Variants in NRXN3 observed in about 807,000 individuals in gnomAD.
The protein encoded by NRXN3 is neurexin III.
NRXN3 carries 32 observed loss-of-function variants against 137.6 expected under a neutral mutation model. That is an observed-to-expected ratio of 0.23 (90% CI 0.18 to 0.31). The LOEUF is 0.31. Ranked by LOEUF, NRXN3 falls within the 10% of genes least tolerant of loss-of-function variation. The probability of loss-of-function intolerance (pLI) is 1.00; values close to 1 mark genes in which losing one functional copy is unlikely to be tolerated. For synonymous variants in NRXN3, 798 were observed against 784.5 expected, an observed-to-expected ratio of 1.02 and a Z score of -0.29; for missense variants, 1,574 against 2,062.5, an observed-to-expected ratio of 0.76 and a Z score of 4.59.
At chr14:79,609,513 G>A (rs1484211539) in intron 16 of NRXN3, among the ~76,000 whole-genome samples, 2 of 152,142 alleles carry the variant, frequency 1.3e-5, no homozygotes, top group East Asian at 1.9e-4. Context: ...TCTGCCACAT[G>A]CAACTAGGAA....
intron 4 of NRXN3, among the ~76,000 whole-genome samples, chr14:78,640,987 T>G (rs1489574365): frequency 6.6e-6 from 1 of 152,226 alleles, no homozygotes; most frequent in Admixed American, 6.5e-5. Context: ...CATAATCCCC[T>G]GCATTCATTT....
intron 7 of NRXN3, among the ~76,000 whole-genome samples, chr14:78,713,691 C>T (rs1199854642): frequency 6.6e-6 from 1 of 152,190 alleles, no homozygotes; most frequent in East Asian, 1.9e-4. Flanking sequence ...CACTTACAAT[C>T]ATGGTGGAAG....
At position 78,483,774 on chromosome 14, in the gene NRXN3, T is replaced by C. The variant is rs2153742750; in HGVS notation, c.758-161346T>C. 2.0e-5 allele frequency among the ~76,000 whole-genome samples: 3 copies of C among 152,266 alleles called. No individual in the cohort carries two copies. In the East Asian group the frequency reaches 5.8e-4, roughly 29 times the overall value. On this transcript the variant is annotated intron_variant, in intron 4 of 20. Transcript: ENST00000335750. ...ACTCTGGAGCTTTTTAAAAAGACCCTAGAGTTCATTTTACCCAACAATTTT... is the reference window on the plus strand; with the variant it reads ...ACTCTGGAGCTTTTTAAAAAGACCCCAGAGTTCATTTTACCCAACAATTTT...
intron 20 of NRXN3, 64 bp downstream of exon 20, chr14:79,805,254 T>C: frequency 9.1e-7 from 1 of 1,101,332 alleles, no homozygotes. Flanking sequence ...AATACATACA[T>C]ATATGTGATT....
At chr14:79,049,929 C>A (rs1438097962) in intron 15 of NRXN3, among the ~76,000 whole-genome samples, 1 of 152,090 alleles carries the variant, frequency 6.6e-6, no homozygotes, top group East Asian at 1.9e-4. Context: ...AGTCTCTCTG[C>A]AGGAGTCTCA....
chr14:78,652,007 G>T lies in NRXN3; in HGVS notation c.1221+681G>T, dbSNP rs571853754. On this transcript the variant is annotated intron_variant, in intron 6 of 20. Coordinates refer to ENST00000335750, the MANE Select transcript of NRXN3 (RefSeq NM_001330195.2). ...TTAAATGCAGTCACACAGGTGAAAG[G>T]CCATTGAAATCACAAGGAACTAGAT... Among the ~76,000 whole-genome samples the T allele has an allele frequency of 3.9e-4, 59 of 152,286 alleles. 3 individuals carry two copies. In the South Asian group the frequency reaches 0.012, roughly 31 times the overall value.
chr14:78,514,072 C>T (rs1324606000), intron 4 of NRXN3, among the ~76,000 whole-genome samples: 2 of 152,100 alleles, frequency 1.3e-5, no homozygotes, highest in African/African-American at 4.8e-5. Flanking sequence ...TGAGTTTCTG[C>T]TGCCACCTTT....
At chr14:79,633,887 T>C (rs1278824746) in intron 16 of NRXN3, among the ~76,000 whole-genome samples, 2 of 152,092 alleles carry the variant, frequency 1.3e-5, no homozygotes, top group African/African-American at 4.8e-5. Flanking sequence ...CTACCAAAAC[T>C]CTAAGCATTC....
intron 4 of NRXN3, among the ~76,000 whole-genome samples, chr14:78,534,177 T>C (rs1012255042): frequency 6.6e-6 from 1 of 152,192 alleles, no homozygotes; most frequent in East Asian, 1.9e-4. Flanking sequence ...GTCTTCACCA[T>C]TGGGAGATAA....
intron 10 of NRXN3, among the ~76,000 whole-genome samples, chr14:78,814,198 A>G (rs2098924141): frequency 6.6e-6 from 1 of 152,198 alleles, no homozygotes; most frequent in Admixed American, 6.5e-5. Flanking sequence ...GCGGGAATGT[A>G]TTTCTTAATA....
chr14:79,618,085 C>T (rs953432197), intron 16 of NRXN3, among the ~76,000 whole-genome samples: 8 of 152,006 alleles, frequency 5.3e-5, no homozygotes, highest in African/African-American at 1.7e-4. Flanking sequence ...TTTGTAGTCT[C>T]TGATGAGTTT....
chr14:78,686,042 G>A (rs2194531), intron 6 of NRXN3, among the ~76,000 whole-genome samples: 11,097 of 152,048 alleles, frequency 0.073, 706 homozygotes, highest in African/African-American at 0.17. Context: ...CTTCCGTTTA[G>A]CTTGTCCATC....
At chr14:79,692,566 A>G (rs181425376) in intron 18 of NRXN3, among the ~76,000 whole-genome samples, 12 of 152,196 alleles carry the variant, frequency 7.9e-5, no homozygotes, top group East Asian at 7.7e-4. Flanking sequence ...ACTGCATGAC[A>G]TTATTTATTA....
At chr14:78,955,753 C>A (rs2099395743) in intron 10 of NRXN3, among the ~76,000 whole-genome samples, 1 of 152,086 alleles carries the variant, frequency 6.6e-6, no homozygotes, top group Non-Finnish European at 1.5e-5. Context: ...TGAACTACTA[C>A]CATAGCTCTT....
intron 15 of NRXN3, among the ~76,000 whole-genome samples, chr14:79,401,506 G>A (rs35310631): frequency 0.35 from 52,747 of 151,950 alleles, 9,402 homozygotes; most frequent in Admixed American, 0.4. Flanking sequence ...CATTGTCCTA[G>A]GAGAACCACT....
intron 15 of NRXN3, among the ~76,000 whole-genome samples, chr14:79,016,563 G>A (rs955528250): frequency 1.3e-5 from 2 of 152,282 alleles, no homozygotes; most frequent in Non-Finnish European, 2.9e-5. Context: ...AGTAGAGCCT[G>A]TGATCTGGTG....
intron 15 of NRXN3, among the ~76,000 whole-genome samples, chr14:78,999,002 G>T (rs969726802): frequency 1.3e-5 from 2 of 152,224 alleles, no homozygotes; most frequent in Non-Finnish European, 1.5e-5. Context: ...TAGAATTATA[G>T]TTTATTTTCT....
At chr14:79,860,985 G>A (rs772070263) in intron 20 of NRXN3, 87 of 1,110,220 alleles carry the variant, frequency 7.8e-5, no homozygotes, top group Non-Finnish European at 9.9e-5. Context: ...CGTTGGTTGA[G>A]TGAGAGTTGT....
chr14:79,216,819 C>T (rs1332206840), intron 15 of NRXN3, among the ~76,000 whole-genome samples: 2 of 152,084 alleles, frequency 1.3e-5, no homozygotes, highest in East Asian at 1.9e-4. Context: ...TAAAGGAACA[C>T]CTGAGGCTCG....
Sources: allele counts gnomAD v4.1 joint callset (sites outside exome capture counted in the v4.1 genomes callset), GRCh38; gene constraint gnomAD v4.1.1; transcripts MANE v1.5; gene names NCBI Gene and HGNC (gene_info 2026-07-23, HGNC 2026-07-21).